The following TMEM26 variants were observed in gnomAD, a reference collection of about 807,000 sequenced individuals.
TMEM26 encodes transmembrane protein 26.
In TMEM26, 38 loss-of-function variants were observed where a neutral mutation model predicts 28.8. That is an observed-to-expected ratio of 1.32 (90% confidence interval 1.02 to 1.73). The LOEUF (loss-of-function observed/expected upper bound fraction) is 1.73. Among genes scored for constraint, TMEM26 ranks in the 40% most tolerant of loss-of-function variants. TMEM26 has a pLI of 0.00. For synonymous variants in TMEM26, 227 were observed against 182.9 expected (o/e 1.24, Z -1.95); for missense variants, 518 against 447.1 (o/e 1.16, Z -1.43).
In TMEM26 at chr10:61,453,305, G is replaced by A. The variant is rs1840326718; in HGVS notation, c.-224C>T. The A allele has an allele frequency of 3.7e-6, 2 of 536,650 alleles. No homozygotes were observed. The highest frequency in any genetic ancestry group is 4.9e-4 in the Middle Eastern group (1 of 2,024). 33.2% of individuals were successfully genotyped at this position (536,650 alleles called of 1,614,324 possible). On this transcript the variant is annotated 5_prime_UTR_variant, in exon 1 of 6. Coordinates refer to ENST00000399298, the MANE Select transcript of TMEM26 (RefSeq NM_178505.8). ...TCAAAGAGGGGTGAGTCCAAACCCA[G>A]CTTTTCCAGACTGCTGGGTTTTCCA... is the stretch of plus-strand genomic sequence containing the variant.
At chr10:61,423,844 A>C (rs1333429758) in intron 4 of TMEM26, among the ~76,000 whole-genome samples, 1 of 152,204 alleles carries the variant, frequency 6.6e-6, no homozygotes, top group Non-Finnish European at 1.5e-5. Context: ...TAATAGGATA[A>C]AAGACAACCA....
chr10:61,433,400 A>T (rs972686203), intron 2 of TMEM26, among the ~76,000 whole-genome samples: 1 of 152,124 alleles, frequency 6.6e-6, no homozygotes, highest in African/African-American at 2.4e-5. Context: ...GATTATCTGG[A>T]TACCAACATG....
At chr10:61,447,682 T>C (rs545757441) in intron 1 of TMEM26, among the ~76,000 whole-genome samples, 6 of 152,292 alleles carry the variant, frequency 3.9e-5, no homozygotes, top group Admixed American at 2.0e-4. Flanking sequence ...ACAGTATTAA[T>C]CGGTCATTTG....
At chr10:61,433,476 C>T (rs1839955209) in intron 2 of TMEM26, among the ~76,000 whole-genome samples, 1 of 152,072 alleles carries the variant, frequency 6.6e-6, no homozygotes, top group Non-Finnish European at 1.5e-5. Flanking sequence ...CCTTTGGGTC[C>T]AACAAGACTG....
chr10:61,448,245 A>AT (rs1206753723), intron 1 of TMEM26, among the ~76,000 whole-genome samples: 1 of 152,324 alleles, frequency 6.6e-6, no homozygotes, highest in Admixed American at 6.5e-5. Flanking sequence ...GACAGCTCAA[A>AT]TGCTGTCAAG....
intron 5 of TMEM26, among the ~76,000 whole-genome samples, chr10:61,412,327 C>T (rs1250688340): frequency 6.6e-6 from 1 of 151,944 alleles, no homozygotes; most frequent in Non-Finnish European, 1.5e-5. Context: ...TTCTTAAAAG[C>T]CACAGCAAGT....
chr10:61,451,284 C>A (rs2135342799), intron 1 of TMEM26, among the ~76,000 whole-genome samples: 1 of 152,268 alleles, frequency 6.6e-6, no homozygotes, highest in East Asian at 1.9e-4. Flanking sequence ...TTACACACAA[C>A]AGGAATGTTT....
intron 4 of TMEM26, among the ~76,000 whole-genome samples, chr10:61,423,181 A>G (rs1839776443): frequency 6.6e-6 from 1 of 152,208 alleles, no homozygotes; most frequent in South Asian, 2.1e-4. Flanking sequence ...ACCTATAAAA[A>G]GTAATGATAT....
intron 3 of TMEM26, among the ~76,000 whole-genome samples, chr10:61,429,820 G>A (rs1839892085): frequency 6.6e-6 from 1 of 152,038 alleles, no homozygotes; most frequent in African/African-American, 2.4e-5. Context: ...TATTCTGGAT[G>A]ACAACTTGCC....
intron 4 of TMEM26, among the ~76,000 whole-genome samples, chr10:61,428,718 G>T (rs947167986): frequency 6.6e-6 from 1 of 152,004 alleles, no homozygotes; most frequent in African/African-American, 2.4e-5. Context: ...TCTTTCTCTA[G>T]CAGAAATCTC....
chr10:61,433,327 T>G (rs1401921634), intron 2 of TMEM26, among the ~76,000 whole-genome samples: 1 of 152,196 alleles, frequency 6.6e-6, no homozygotes, highest in Non-Finnish European at 1.5e-5. Context: ...AAACCTAGCC[T>G]GACTTGTATT....
At chr10:61,412,849 G>C in intron 5 of TMEM26, 1 of 866,818 alleles carries the variant, frequency 1.2e-6, no homozygotes, top group Non-Finnish European at 1.6e-6. Flanking sequence ...CTAGATTATT[G>C]CTAGTATAAA....
chr10:61,413,687 A>C, intron 4 of TMEM26, 152 bp from the exon 5 acceptor site: 1 of 1,327,116 alleles, frequency 7.5e-7, no homozygotes, highest in Non-Finnish European at 9.6e-7. Flanking sequence ...AAATCCTTAC[A>C]TGATAATAAT....
chr10:61,440,264 C>T (rs550990791), intron 1 of TMEM26, among the ~76,000 whole-genome samples: 13 of 152,110 alleles, frequency 8.5e-5, no homozygotes, highest in African/African-American at 3.1e-4. Flanking sequence ...AAAATGACAA[C>T]GAAAACTAAA....
chr10:61,422,537 G>A (rs183580171), intron 4 of TMEM26, among the ~76,000 whole-genome samples: 1 of 152,224 alleles, frequency 6.6e-6, no homozygotes, highest in Non-Finnish European at 1.5e-5. Flanking sequence ...AAGTTAAACA[G>A]CCAATTTCTA....
intron 1 of TMEM26, among the ~76,000 whole-genome samples, chr10:61,449,326 A>G (rs1156628431): frequency 1.3e-5 from 2 of 152,066 alleles, no homozygotes; most frequent in Non-Finnish European, 2.9e-5. Context: ...TTGTTGGCTC[A>G]CCCTCTCTAT....
intron 2 of TMEM26, 51 bp downstream of exon 2, chr10:61,436,119 A>T (rs1840001703): frequency 8.4e-7 from 1 of 1,183,624 alleles, no homozygotes; most frequent in Non-Finnish European, 1.2e-6. Flanking sequence ...TCATACTGTG[A>T]AAGTAGCTTA....
At chr10:61,440,995 T>C (rs568110037) in intron 1 of TMEM26, among the ~76,000 whole-genome samples, 27 of 152,340 alleles carry the variant, frequency 1.8e-4, no homozygotes, top group Admixed American at 2.0e-4. Context: ...ATACCTGATA[T>C]AGCTGTAAAT....
rs147196101 is a variant in TMEM26, at chr10:61,435,411, C to T, written c.270+759G>A. On this transcript the variant is annotated intron_variant, in intron 2 of 5. Coordinates refer to ENST00000399298, the MANE Select transcript of TMEM26 (RefSeq NM_178505.8). The stretch of plus-strand genomic sequence containing the variant: ...GGCCAGGATGGTCCCCATCTCTTGA[C>T]CTCGTGATCCACCCGCTTCGGCCTC... Among the ~76,000 whole-genome samples, 27 of 152,294 alleles carry T rather than the reference C, an allele frequency of 1.8e-4. No individual in the cohort carries two copies. The East Asian group carries it at 5.0e-3, about 28-fold the overall frequency.
Sources: gnomAD v4.1 joint callset for allele counts (sites outside exome capture counted in the v4.1 genomes callset) on GRCh38, gnomAD v4.1.1 for gene constraint, MANE v1.5 for transcripts, NCBI Gene and HGNC (gene_info 2026-07-23, HGNC 2026-07-21) for gene names.